APBB2: variants seen among roughly 807,000 people sequenced by gnomAD.
APBB2 encodes the protein amyloid beta precursor protein binding family B member 2.
In APBB2, 38 loss-of-function variants were observed where a neutral mutation model predicts 82.5. The observed-to-expected ratio is 0.46, with a 90% CI of 0.36 to 0.60. The LOEUF is 0.60. APBB2 is among the 20% of genes least tolerant of loss of function. The pLI, the probability that APBB2 is intolerant of heterozygous loss-of-function variation, is 0.00. For missense variants in APBB2, 772 were observed against 972.3 expected, an observed-to-expected ratio of 0.79 and a Z score of 2.74; for synonymous variants, 341 against 368.2, an observed-to-expected ratio of 0.93 and a Z score of 0.85.
At chr4:40,828,764 C>T (rs1044142195) in intron 13 of APBB2, among the ~76,000 whole-genome samples, 2 of 152,214 alleles carry the variant, frequency 1.3e-5, no homozygotes, top group African/African-American at 2.4e-5. Flanking sequence ...TGAACATGGG[C>T]GGGAATAAAC....
intron 6 of APBB2, among the ~76,000 whole-genome samples, chr4:40,968,792 C>T (rs915459719): frequency 2.6e-5 from 4 of 152,162 alleles, no homozygotes; most frequent in Non-Finnish European, 5.9e-5. Context: ...TTGAAATAAA[C>T]CTGTTCCTCT....
intron 6 of APBB2, among the ~76,000 whole-genome samples, chr4:40,975,656 G>C (rs537736535): frequency 6.6e-6 from 1 of 151,864 alleles, no homozygotes; most frequent in African/African-American, 2.4e-5. Context: ...TATAATCTTA[G>C]AGTTGGCCTA....
At chr4:40,974,171 C>T (rs1796613145) in intron 6 of APBB2, among the ~76,000 whole-genome samples, 1 of 151,996 alleles carries the variant, frequency 6.6e-6, no homozygotes, top group African/African-American at 2.4e-5. Flanking sequence ...CTTCTAAGAA[C>T]ACCACTAAAT....
At chr4:40,932,512 TA>T (rs1784439256) in intron 10 of APBB2, among the ~76,000 whole-genome samples, 1 of 152,208 alleles carries the variant, frequency 6.6e-6, no homozygotes, top group South Asian at 2.1e-4. Context: ...TTTGAACCTG[TA>T]TGGTGTTCCC....
chr4:40,978,439 T>C (rs1437825925), intron 6 of APBB2, among the ~76,000 whole-genome samples: 1 of 152,172 alleles, frequency 6.6e-6, no homozygotes, highest in East Asian at 1.9e-4. Flanking sequence ...AGAGGAAGCC[T>C]GAATACAAAC....
At chr4:41,076,825 A>T (rs1160013295) in intron 3 of APBB2, among the ~76,000 whole-genome samples, 3 of 152,152 alleles carry the variant, frequency 2.0e-5, no homozygotes, top group Non-Finnish European at 4.4e-5. Context: ...GGTAAAACAT[A>T]TTGCATCCAC....
At chr4:41,022,709 C>T (rs59575129) in intron 5 of APBB2, among the ~76,000 whole-genome samples, 6,984 of 152,210 alleles carry the variant, frequency 0.046, 343 homozygotes, top group African/African-American at 0.13. Context: ...AGAGTAGGCA[C>T]TCATAAATGT....
Position 40,845,588 on chromosome 4 carries a change from CAAAA to C in APBB2, c.1530-15015_1530-15012del, listed in dbSNP as rs71198606. ...GAATCCAAATGAAAAGGAAATTCCT[CAAAA>C]AAAAAAAAAAAAAAAAAAAAAAACC... On this transcript the variant is annotated intron_variant, in intron 12 of 17. Coordinates refer to ENST00000508593, the MANE Select transcript of APBB2 (RefSeq NM_004307.2). 7.8e-3 allele frequency among the ~76,000 whole-genome samples: 440 copies of C among 56,464 alleles called. 7 individuals carry two copies. Among genetic ancestry groups the C allele is most frequent in the African/African-American group, 0.028 (372 of 13,174 alleles). The allele number at this position is 56,464 out of a possible 152,430, so 37.0% of individuals were successfully genotyped here. A position where few individuals can be genotyped will look rare whatever the true frequency, so the allele number is the denominator to read the frequency against.
At position 41,014,168 on chromosome 4, in the gene APBB2, G is replaced by T. The variant is rs776386840; in HGVS notation, c.250C>A (p.Pro84Thr). ...TTTCCCAGCAGGGGCTGTGCAGCTG[G>T]ATCCGAGAGGCCCATGGCCGCCTGG... is the stretch of plus-strand genomic sequence containing the variant. ...NIQAAMGLSD[P>T]AAQPLLGNGS... Residue 84 changes from proline to threonine, a missense_variant, in exon 6 of 18, where the codon CCA becomes ACA. Transcript: ENST00000508593. 8 of 1,614,120 alleles carry T rather than the reference G, an allele frequency of 5.0e-6. No homozygotes were observed. Among genetic ancestry groups the T allele is most frequent in the Non-Finnish European group, 6.8e-6 (8 of 1,180,050 alleles).
chr4:41,131,996 C>T (rs1212283434), intron 2 of APBB2, among the ~76,000 whole-genome samples: 2 of 151,832 alleles, frequency 1.3e-5, no homozygotes, highest in Non-Finnish European at 2.9e-5. Context: ...GTCAAGACTG[C>T]ACCACTGCAC....
intron 2 of APBB2, among the ~76,000 whole-genome samples, chr4:41,126,001 A>AAAG (rs1754264569): frequency 6.6e-6 from 1 of 152,202 alleles, no homozygotes; most frequent in Non-Finnish European, 1.5e-5. Flanking sequence ...AAGTTGTAAG[A>AAAG]TAAGCACCTC....
Position 40,854,219 on chromosome 4 carries a change from G to A in APBB2, c.1530-23642C>T, listed in dbSNP as rs146100418. 2.6e-3 allele frequency among the ~76,000 whole-genome samples: 395 copies of A among 152,282 alleles called. 3 individuals are homozygous for A. Among genetic ancestry groups the A allele is most frequent in the East Asian group, 8.3e-3 (43 of 5,190 alleles). On this transcript the variant is annotated intron_variant, in intron 12 of 17. Coordinates refer to ENST00000508593, the MANE Select transcript of APBB2 (RefSeq NM_004307.2). Reference sequence around the variant, plus strand: ...TATACTAGGTACTATGTTAGGGCCCGAGGAATCCAAAAGTCTAAGAACTCC... The same window carrying A: ...TATACTAGGTACTATGTTAGGGCCCAAGGAATCCAAAAGTCTAAGAACTCC...
chr4:41,146,351 C>T (rs1016840822), intron 1 of APBB2, among the ~76,000 whole-genome samples: 1 of 145,664 alleles, frequency 6.9e-6, no homozygotes, highest in African/African-American at 2.5e-5. Flanking sequence ...AAAAAAAACC[C>T]GGGCATGATG....
At chr4:40,871,923 G>C (rs977858586) in intron 12 of APBB2, among the ~76,000 whole-genome samples, 2 of 152,192 alleles carry the variant, frequency 1.3e-5, no homozygotes, top group Non-Finnish European at 2.9e-5. Context: ...GTGACAACCC[G>C]AGGTTGAAGA....
intron 13 of APBB2, among the ~76,000 whole-genome samples, chr4:40,829,162 CA>C (rs1026305181): frequency 6.6e-6 from 1 of 152,162 alleles, no homozygotes; most frequent in Non-Finnish European, 1.5e-5. Context: ...GAAGAGAAAT[CA>C]GGGGGTGATG....
intron 2 of APBB2, among the ~76,000 whole-genome samples, chr4:41,129,062 C>T (rs1185983769): frequency 6.6e-6 from 1 of 152,028 alleles, no homozygotes; most frequent in Non-Finnish European, 1.5e-5. Flanking sequence ...CAGTGTCCCT[C>T]CTCTGTCTCT....
intron 6 of APBB2, among the ~76,000 whole-genome samples, chr4:41,002,932 A>G (rs192541141): frequency 1.3e-5 from 2 of 152,196 alleles, no homozygotes; most frequent in Non-Finnish European, 2.9e-5. Context: ...CTAAGAAATA[A>G]ATGTCTCTTG....
At chr4:41,129,362 C>T (rs1225566119) in intron 2 of APBB2, among the ~76,000 whole-genome samples, 2 of 152,174 alleles carry the variant, frequency 1.3e-5, no homozygotes, top group African/African-American at 2.4e-5. Flanking sequence ...ACAGATGGCA[C>T]ATTCCTGCCT....
At chr4:40,995,215 C>T (rs1351448173) in intron 6 of APBB2, among the ~76,000 whole-genome samples, 1 of 152,182 alleles carries the variant, frequency 6.6e-6, no homozygotes, top group African/African-American at 2.4e-5. Flanking sequence ...AAATAATACA[C>T]TGGCATTGAG....
Sources: allele counts gnomAD v4.1 joint callset (sites outside exome capture counted in the v4.1 genomes callset), GRCh38; gene constraint gnomAD v4.1.1; transcripts MANE v1.5; gene names NCBI Gene and HGNC (gene_info 2026-07-23, HGNC 2026-07-21).